Variants in STPG2 observed in about 807,000 individuals in gnomAD.
STPG2 encodes the protein sperm tail PG-rich repeat containing 2.
Under a neutral mutation model 54.2 loss-of-function variants are expected in STPG2, and 56 were observed. The ratio of observed to expected loss-of-function variants is 1.03; its 90% CI spans 0.83 to 1.29. The LOEUF is 1.29. Among genes scored for constraint, STPG2 ranks in the 50% most tolerant of loss-of-function variants. The pLI is 0.00. For missense variants in STPG2, 596 were observed against 544.9 expected, an observed-to-expected ratio of 1.09 and a Z score of -0.93; for synonymous variants, 200 against 181.8, an observed-to-expected ratio of 1.10 and a Z score of -0.81.
intron 10 of STPG2, among the ~76,000 whole-genome samples, chr4:97,579,748 T>C (rs1267343131): frequency 1.3e-5 from 2 of 152,030 alleles, no homozygotes; most frequent in Non-Finnish European, 2.9e-5. Context: ...TGGTCTCCAA[T>C]AATGGAGCTT....
chr4:97,513,365 G>A (rs1345966647), intron 4 of STPG2, among the ~76,000 whole-genome samples: 1 of 151,942 alleles, frequency 6.6e-6, no homozygotes, highest in Non-Finnish European at 1.5e-5. Flanking sequence ...ATGATTGATT[G>A]ATTTCATTGG....
At chr4:97,771,289 T>C (rs1726210489) in intron 9 of STPG2, among the ~76,000 whole-genome samples, 1 of 152,130 alleles carries the variant, frequency 6.6e-6, no homozygotes, top group African/African-American at 2.4e-5. Context: ...TATTAAACTA[T>C]GATAAAAGAG....
chr4:97,774,667 T>C (rs867731156), intron 9 of STPG2, among the ~76,000 whole-genome samples: 9 of 152,140 alleles, frequency 5.9e-5, no homozygotes, highest in Admixed American at 4.6e-4. Context: ...TTTGGGTGAG[T>C]ATATCTGAAA....
intron 5 of STPG2, among the ~76,000 whole-genome samples, chr4:98,105,510 T>A (rs1045430472): frequency 6.6e-6 from 1 of 152,072 alleles, no homozygotes; most frequent in Non-Finnish European, 1.5e-5. Context: ...TCTTCCAAAC[T>A]GGGTTTGGAC....
chr4:97,799,295 T>C lies in STPG2; in HGVS notation c.1204+41478A>G, dbSNP rs370690939. On this transcript the variant is annotated intron_variant, in intron 9 of 10. Transcript: ENST00000295268. ...CCTAGCATCGATGGTCTTTACAGTTTGGCATGTTTTTGCAGTGGCTGGTAC... is the reference window on the plus strand; with the variant it reads ...CCTAGCATCGATGGTCTTTACAGTTCGGCATGTTTTTGCAGTGGCTGGTAC... Among the ~76,000 whole-genome samples the C allele has an allele frequency of 4.3e-3, 654 of 152,280 alleles. 2 individuals are homozygous for C. Among genetic ancestry groups the C allele is most frequent in the South Asian group, 0.023 (112 of 4,820 alleles).
At chr4:97,963,286 T>C (rs940789020) in intron 7 of STPG2, among the ~76,000 whole-genome samples, 4 of 152,202 alleles carry the variant, frequency 2.6e-5, no homozygotes, top group Admixed American at 2.0e-4. Flanking sequence ...CAAAAACTAT[T>C]AACATTCATG....
At chr4:98,110,298 G>A (rs751874074) in intron 3 of STPG2, among the ~76,000 whole-genome samples, 1 of 152,068 alleles carries the variant, frequency 6.6e-6, no homozygotes, top group African/African-American at 2.4e-5. Flanking sequence ...GAAAAATCCT[G>A]AAGCTGGTGA....
At chr4:97,874,823 T>C (rs1730115459) in intron 8 of STPG2, among the ~76,000 whole-genome samples, 1 of 151,644 alleles carries the variant, frequency 6.6e-6, no homozygotes, top group Non-Finnish European at 1.5e-5. Context: ...AGCCCATATG[T>C]TGTGACTAGT....
intron 7 of STPG2, among the ~76,000 whole-genome samples, chr4:97,963,098 G>T (rs1048192397): frequency 2.6e-5 from 4 of 152,150 alleles, no homozygotes; most frequent in Non-Finnish European, 5.9e-5. Flanking sequence ...GGCAGAGATT[G>T]CAGTGAGCAG....
In STPG2 at chr4:97,590,209, A is replaced by G. The variant is rs576274326; in HGVS notation, c.1321-31092T>C. Among the ~76,000 whole-genome samples the G allele has an allele frequency of 2.6e-5, 4 of 152,254 alleles. No individual in the cohort carries two copies. In the South Asian group the frequency reaches 8.3e-4, roughly 32 times the overall value. ...ATATATGCATAGGGGACACTGTTCC[A>G]TGGAGGGCAGGTCTATGCAACCTAC... On this transcript the variant is annotated intron_variant, in intron 10 of 10. Transcript: ENST00000295268.
chr4:97,572,087 C>T (rs1256870673), intron 10 of STPG2, among the ~76,000 whole-genome samples: 1 of 152,140 alleles, frequency 6.6e-6, no homozygotes, highest in Admixed American at 6.6e-5. Flanking sequence ...AGGTTCTCAT[C>T]AGACTATTGG....
chr4:97,879,450 G>A (rs1167460698), intron 8 of STPG2, among the ~76,000 whole-genome samples: 1 of 152,062 alleles, frequency 6.6e-6, no homozygotes, highest in Non-Finnish European at 1.5e-5. Context: ...CATGCTGGAA[G>A]GCAAAAGGCA....
At chr4:97,769,491 A>C (rs1726160798) in intron 9 of STPG2, among the ~76,000 whole-genome samples, 2 of 152,178 alleles carry the variant, frequency 1.3e-5, no homozygotes, top group Non-Finnish European at 2.9e-5. Context: ...AAAAGTAAAA[A>C]AAATAGCAGA....
intron 8 of STPG2, among the ~76,000 whole-genome samples, chr4:97,874,063 C>A (rs1408094700): frequency 6.6e-6 from 1 of 151,278 alleles, no homozygotes; most frequent in Non-Finnish European, 1.5e-5. Context: ...ATTAATATAG[C>A]CTCTTTTGCA....
chr4:97,969,225 C>T (rs945311583), intron 7 of STPG2, among the ~76,000 whole-genome samples: 1 of 152,140 alleles, frequency 6.6e-6, no homozygotes, highest in Non-Finnish European at 1.5e-5. Context: ...TAATATCGTG[C>T]TAATCATAGG....
intron 9 of STPG2, among the ~76,000 whole-genome samples, chr4:97,782,475 A>G (rs528735244): frequency 7.4e-4 from 113 of 152,344 alleles, no homozygotes; most frequent in African/African-American, 2.6e-3. Flanking sequence ...GATAGGAAGA[A>G]TCAATATTGT....
At chr4:97,694,635 C>T (rs1167954460) in intron 10 of STPG2, among the ~76,000 whole-genome samples, 6 of 150,800 alleles carry the variant, frequency 4.0e-5, no homozygotes, top group Admixed American at 1.3e-4. Flanking sequence ...GGTGAAACCC[C>T]GTCTCTATTA....
chr4:97,495,813 TA>T (rs1730600407), intron 4 of STPG2, among the ~76,000 whole-genome samples: 1 of 150,596 alleles, frequency 6.6e-6, no homozygotes, highest in South Asian at 2.1e-4. Context: ...TTTGGTAAAA[TA>T]AAATAAAATA....
chr4:97,529,259 G>A (rs1288469039), intron 4 of STPG2, among the ~76,000 whole-genome samples: 1 of 152,112 alleles, frequency 6.6e-6, no homozygotes, highest in Admixed American at 6.5e-5. Flanking sequence ...TTTGTCATTG[G>A]TTCTGTTCAT....
Sources: gnomAD v4.1 joint callset for allele counts (sites outside exome capture counted in the v4.1 genomes callset) on GRCh38, gnomAD v4.1.1 for gene constraint, MANE v1.5 for transcripts, NCBI Gene and HGNC (gene_info 2026-07-23, HGNC 2026-07-21) for gene names.